The following GMDS variants were observed in gnomAD, a reference collection of about 807,000 sequenced individuals.
GMDS encodes the protein GDP-mannose 4,6 dehydratase.
Under a neutral mutation model 49.9 loss-of-function variants are expected in GMDS, and 20 were observed. That is an observed-to-expected ratio of 0.40 (90% confidence interval 0.28 to 0.58). The LOEUF (loss-of-function observed/expected upper bound fraction) is 0.58, where lower values mean the gene tolerates loss of function less well. Ranked by LOEUF, GMDS falls within the 20% of genes least tolerant of loss-of-function variation. GMDS has a pLI of 0.42. For missense variants in GMDS, 362 were observed against 481.4 expected (o/e 0.75, Z 2.32); for synonymous variants, 177 against 178.6 (o/e 0.99, Z 0.07).
At chr6:2,221,005 C>T (rs987102663) in intron 1 of GMDS, among the ~76,000 whole-genome samples, 11 of 152,030 alleles carry the variant, frequency 7.2e-5, no homozygotes, top group Non-Finnish European at 1.0e-4. Flanking sequence ...AGCAAGACCC[C>T]GTCTATACAG....
rs1327259497 is a variant in GMDS, at chr6:2,012,050, G to A, written c.346-51084C>T. 7.2e-5 allele frequency among the ~76,000 whole-genome samples: 11 copies of A among 152,196 alleles called. No homozygotes were observed. The Middle Eastern group carries it at 0.01, about 141-fold the overall frequency. ...TACTGTATATCCTCACTTATAAATGGGAGTTAAATAATGTGTACACATGGA... is the reference window on the plus strand; with the variant it reads ...TACTGTATATCCTCACTTATAAATGAGAGTTAAATAATGTGTACACATGGA... On this transcript the variant is annotated intron_variant, in intron 4 of 10. Coordinates refer to ENST00000380815, the MANE Select transcript of GMDS (RefSeq NM_001500.4).
intron 4 of GMDS, among the ~76,000 whole-genome samples, chr6:2,040,101 C>G (rs532003738): frequency 6.6e-6 from 1 of 152,192 alleles, no homozygotes; most frequent in Non-Finnish European, 1.5e-5. Flanking sequence ...GACCAAAATG[C>G]GGTTATGCAG....
intron 1 of GMDS, among the ~76,000 whole-genome samples, chr6:2,225,487 C>T (rs1290485590): frequency 6.6e-6 from 1 of 152,182 alleles, no homozygotes; most frequent in Non-Finnish European, 1.5e-5. Context: ...CTAACTTGTA[C>T]CTTCTCCTGC....
chr6:1,984,714 G>C (rs894980514), intron 4 of GMDS, among the ~76,000 whole-genome samples: 3 of 152,096 alleles, frequency 2.0e-5, no homozygotes, highest in African/African-American at 7.2e-5. Flanking sequence ...ACCTACTCAG[G>C]TCACACCCTT....
intron 9 of GMDS, among the ~76,000 whole-genome samples, chr6:1,663,089 T>A (rs1764131035): frequency 6.6e-6 from 1 of 152,236 alleles, no homozygotes; most frequent in Non-Finnish European, 1.5e-5. Context: ...ATGTCAAACC[T>A]AAAATAGAAT....
At chr6:1,855,127 G>A (rs1029857075) in intron 7 of GMDS, among the ~76,000 whole-genome samples, 6 of 152,156 alleles carry the variant, frequency 3.9e-5, no homozygotes, top group Non-Finnish European at 8.8e-5. Context: ...TACTTTATAT[G>A]TCAGTTGATC....
At chr6:1,681,558 G>C (rs936051207) in intron 9 of GMDS, among the ~76,000 whole-genome samples, 1 of 152,178 alleles carries the variant, frequency 6.6e-6, no homozygotes, top group Non-Finnish European at 1.5e-5. Flanking sequence ...AACAGTCTAC[G>C]ACTGCCAGGG....
chr6:1,644,988 T>C (rs1371174469), intron 9 of GMDS, among the ~76,000 whole-genome samples: 1 of 148,464 alleles, frequency 6.7e-6, no homozygotes, highest in African/African-American at 2.5e-5. Context: ...CAGCCTGGAG[T>C]GCAGTGGCGT....
intron 4 of GMDS, among the ~76,000 whole-genome samples, chr6:2,040,098 A>G (rs1042622070): frequency 6.6e-6 from 1 of 152,220 alleles, no homozygotes; most frequent in African/African-American, 2.4e-5. Context: ...ATTGACCAAA[A>G]TGCGGTTATG....
intron 4 of GMDS, among the ~76,000 whole-genome samples, chr6:2,080,898 C>T (rs1176426812): frequency 1.3e-5 from 2 of 152,126 alleles, no homozygotes; most frequent in East Asian, 3.9e-4. Context: ...GGTTGAACAA[C>T]CTAATACTGC....
At chr6:2,019,029 T>G (rs530888123) in intron 4 of GMDS, among the ~76,000 whole-genome samples, 1 of 152,090 alleles carries the variant, frequency 6.6e-6, no homozygotes, top group African/African-American at 2.4e-5. Flanking sequence ...GCCACCCCAG[T>G]AGATGTGAAA....
intron 4 of GMDS, among the ~76,000 whole-genome samples, chr6:2,017,700 T>A (rs1331793473): frequency 1.3e-5 from 2 of 152,198 alleles, no homozygotes; most frequent in Admixed American, 6.5e-5. Context: ...GCCCTGAAAC[T>A]TAATTGCTAA....
At chr6:2,235,573 A>C (rs1345069881) in intron 1 of GMDS, among the ~76,000 whole-genome samples, 1 of 151,988 alleles carries the variant, frequency 6.6e-6, no homozygotes, top group Non-Finnish European at 1.5e-5. Context: ...GGAGAGGTTG[A>C]GATGGTAGAA....
intron 1 of GMDS, among the ~76,000 whole-genome samples, chr6:2,130,771 C>T (rs1581691559): frequency 1.3e-5 from 2 of 152,088 alleles, no homozygotes; most frequent in East Asian, 1.9e-4. Flanking sequence ...AAAAGATTTA[C>T]ATATAAAAAA....
At chr6:2,213,479 CT>C (rs1420081334) in intron 1 of GMDS, among the ~76,000 whole-genome samples, 2 of 152,070 alleles carry the variant, frequency 1.3e-5, no homozygotes, top group Non-Finnish European at 2.9e-5. Context: ...TGTAAACTCA[CT>C]TTGAAAAAGG....
At chr6:2,222,816 C>T (rs1780652663) in intron 1 of GMDS, among the ~76,000 whole-genome samples, 1 of 152,066 alleles carries the variant, frequency 6.6e-6, no homozygotes, top group Non-Finnish European at 1.5e-5. Context: ...CTAGGATATG[C>T]CAACCAGACT....
At chr6:1,798,251 A>G (rs1303170449) in intron 7 of GMDS, among the ~76,000 whole-genome samples, 11 of 141,392 alleles carry the variant, frequency 7.8e-5, no homozygotes, top group South Asian at 4.4e-4. Context: ...ACACACACAC[A>G]CACACACACA....
At chr6:2,177,259 A>T (rs1019720493) in intron 1 of GMDS, among the ~76,000 whole-genome samples, 1 of 152,208 alleles carries the variant, frequency 6.6e-6, no homozygotes, top group Non-Finnish European at 1.5e-5. Flanking sequence ...TGCAGTACGT[A>T]TAATCTGGAG....
chr6:2,023,060 TA>T (rs1390329695), intron 4 of GMDS, among the ~76,000 whole-genome samples: 3 of 152,210 alleles, frequency 2.0e-5, no homozygotes, highest in African/African-American at 4.8e-5. Flanking sequence ...ACGTAGGACC[TA>T]GAATCTAGGT....
Sources: allele counts gnomAD v4.1 joint callset (sites outside exome capture counted in the v4.1 genomes callset), GRCh38; gene constraint gnomAD v4.1.1; transcripts MANE v1.5; gene names NCBI Gene and HGNC (gene_info 2026-07-23, HGNC 2026-07-21).